Variants in GPR6 observed in about 807,000 individuals in gnomAD.
The protein encoded by GPR6 is sphingosine 1-phosphate receptor GPR6.
In GPR6, 14 loss-of-function variants were observed where a neutral mutation model predicts 18.5. That is an observed-to-expected ratio of 0.76 (90% CI 0.50 to 1.18). GPR6 has a LOEUF of 1.18. Ranked by LOEUF, GPR6 falls within the 50% of genes most tolerant of loss-of-function variation. The pLI is 0.00. For synonymous variants in GPR6, 299 were observed against 240.9 expected (o/e 1.24, Z -2.23); for missense variants, 477 against 495.9 (o/e 0.96, Z 0.36).
chr6:109,978,975 G>A (rs373234386), intron 1 of GPR6, 120 bp from the exon 2 acceptor site: 7 of 1,534,444 alleles, frequency 4.6e-6, no homozygotes, highest in Middle Eastern at 3.5e-4. Flanking sequence ...GATTTGCTCT[G>A]GGGTCCCAGG....
rs1233580599 is a variant in GPR6 at position 109,979,253 on chromosome 6, C to A, written c.141C>A (p.Gly47=). 2 of 1,611,136 alleles carry A rather than the reference C, an allele frequency of 1.2e-6. No individual in the cohort carries two copies. The highest frequency in any genetic ancestry group is 1.7e-5 in the Admixed American group (1 of 59,742). ...GPPAAAALGA[G]GGANGSLELS... is the part of the protein sequence containing the mutation. ...CTGCTGCGGCGGCTCTAGGAGCCGG[C>A]GGCGGAGCTAATGGGTCTCTGGAGC... Residue 47 remains glycine, a synonymous_variant, in exon 2 of 2, where the codon GGC becomes GGA. Transcript: ENST00000275169.
rs375656691 is a variant in GPR6, at chr6:109,979,548, G to A, written c.436G>A (p.Gly146Ser). ...PSETVSLLTVGFLVASFAASV... is the reference protein window; with the variant it reads ...PSETVSLLTVSFLVASFAASV... ...GGAGACTGTGAGTCTGCTCACGGTG[G>A]GCTTCCTCGTGGCCTCCTTCGCCGC... Residue 146 changes from glycine (G) to serine (S), a missense_variant, in exon 2 of 2, where the codon GGC (glycine) becomes AGC (serine). Coordinates refer to ENST00000275169, the MANE Select transcript of GPR6 (RefSeq NM_005284.5). 35 of 1,612,774 alleles carry A rather than the reference G, an allele frequency of 2.2e-5. No homozygotes were observed. Among genetic ancestry groups the A allele is most frequent in the Non-Finnish European group, 3.0e-5 (35 of 1,180,018 alleles).
rs778311758 is a variant in GPR6 at position 109,979,199 on chromosome 6, G to A, written c.87G>A (p.Gly29=). Residue 29 remains glycine (G), a synonymous_variant, in exon 2 of 2, where the codon GGG becomes GGA. Transcript: ENST00000275169. Reference sequence around the variant, plus strand: ...CGGCGGCGGCGGCCACAGCAGCAGGGGGGCCGGACACGGGCGAATGGGGAC... The same window carrying A: ...CGGCGGCGGCGGCCACAGCAGCAGGAGGGCCGGACACGGGCGAATGGGGAC... The part of the protein sequence containing the change: ...EGAAAAATAA[G]GPDTGEWGPP... 2.5e-6 allele frequency: 4 copies of A among 1,598,140 alleles called. No homozygotes were observed. In the East Asian group the frequency reaches 6.7e-5, roughly 27 times the overall value.
In GPR6 at chr6:109,980,035, C is replaced by T. The variant is rs575728346; in HGVS notation, c.923C>T (p.Ala308Val). ...YCVVGSHEDP[A>V]VYTYATLLPA... ...GTGGTGGGCAGCCATGAGGACCCGG[C>T]GGTCTACACTTACGCCACCCTGCTG... The change falls in exon 2 of 2, where the codon GCG (alanine) becomes GTG (valine). Residue 308 changes from alanine (A) to valine (V), a missense_variant. By Grantham distance (64) the Ala-to-Val change is moderately conservative. Transcript: ENST00000275169. 1.9e-6 allele frequency: 3 copies of T among 1,613,692 alleles called. No homozygotes were observed. The highest frequency in any genetic ancestry group is 1.6e-4 in the Middle Eastern group (1 of 6,062).
rs1038066214 is a variant in GPR6 at position 109,978,868 on chromosome 6, G to A, written c.-18-227G>A. ...TGTGCATGTGAGTGCATGTTGTCCT[G>A]GTGTATATCTGCAAAAACTCAGAAG... On this transcript the variant is annotated intron_variant, in intron 1 of 1. Transcript: ENST00000275169. The A allele has an allele frequency of 5.2e-6, 8 of 1,534,128 alleles. No homozygotes were observed. In the Admixed American group the frequency reaches 1.6e-4, roughly 30 times the overall value.
At chr6:109,979,040 A>C (rs769243850) in intron 1 of GPR6, 55 bp from the exon 2 acceptor site, 2 of 1,536,412 alleles carry the variant, frequency 1.3e-6, no homozygotes, top group Non-Finnish European at 1.7e-6. Context: ...CGCGTGGGGA[A>C]GTTTCCTGGC....
At position 109,979,453 on chromosome 6, in the gene GPR6, T is replaced by C. The variant is rs1771029806; in HGVS notation, c.341T>C (p.Leu114Pro). 1.2e-6 allele frequency: 2 copies of C among 1,613,306 alleles called. No individual in the cohort carries two copies. The highest frequency in any genetic ancestry group is 1.7e-6 in the Non-Finnish European group (2 of 1,179,988). Residue 114 changes from leucine to proline, a missense_variant, in exon 2 of 2, where the codon CTG becomes CCG. Transcript: ENST00000275169. ...CCCATGTTCGTGCTGGTAGGCAGCC[T>C]GGCCACCGCTGACCTGTTGGCGGGC... The part of the protein sequence containing the change: ...RTPMFVLVGS[L>P]ATADLLAGCG...
Position 109,979,724 on chromosome 6 carries a change from G to C in GPR6, c.612G>C (p.Val204=). 1 of 1,605,822 alleles carries C rather than the reference G, an allele frequency of 6.2e-7. No individual in the cohort carries two copies. The highest frequency in any genetic ancestry group is 8.5e-7 in the Non-Finnish European group (1 of 1,179,474). ...CCCTAGGCCTGGGGCTGCTGCCCGTGCTGGGCTGGAACTGCCTGGCAGAGC... is the reference window on the plus strand; with the variant it reads ...CCCTAGGCCTGGGGCTGCTGCCCGTCCTGGGCTGGAACTGCCTGGCAGAGC... ...TVSLGLGLLP[V]LGWNCLAERA... Residue 204 remains valine, a synonymous_variant, in exon 2 of 2, where the codon GTG becomes GTC. Coordinates refer to ENST00000275169, the MANE Select transcript of GPR6 (RefSeq NM_005284.5).
rs1406572375 is a variant in GPR6 at position 109,979,634 on chromosome 6, C to T, written c.522C>T (p.Leu174=). The stretch of plus-strand genomic sequence containing the variant: ...GCTACCTGTCCCTGTATAACGCGCT[C>T]ACCTATTACTCGCGCCGGACCCTGT... ...VDRYLSLYNA[L]TYYSRRTLLG... is the part of the protein sequence containing the mutation. Residue 174 remains leucine, a synonymous_variant, in exon 2 of 2, where the codon CTC becomes CTT. Coordinates refer to ENST00000275169, the MANE Select transcript of GPR6 (RefSeq NM_005284.5). 6.2e-7 allele frequency: 1 copy of T among 1,612,658 alleles called. No homozygotes were observed. The highest frequency in any genetic ancestry group is 1.3e-5 in the African/African-American group (1 of 75,076).
Position 109,980,198 on chromosome 6 carries a change from C to A in GPR6, c.1086C>A (p.Val362=), listed in dbSNP as rs764086611. Residue 362 remains valine, a synonymous_variant, in exon 2 of 2, where the codon GTC becomes GTA. Coordinates refer to ENST00000275169, the MANE Select transcript of GPR6 (RefSeq NM_005284.5). ...TTCGTTCCAGGTCTCCCAGCGAGGT[C>A]TGAAGGGCTCGCCCCGTGTCCTCTC... ...VPFRSRSPSE[V] 1.9e-6 allele frequency: 3 copies of A among 1,614,096 alleles called. No homozygotes were observed. In the African/African-American group the frequency reaches 4.0e-5, roughly 22 times the overall value.
intron 1 of GPR6, chr6:109,978,856 G>C (rs1324567721): frequency 2.0e-6 from 3 of 1,535,404 alleles, no homozygotes; most frequent in Non-Finnish European, 2.6e-6. Flanking sequence ...GCATGTGAGT[G>C]CATGTTGTCC....
At position 109,979,130 on chromosome 6, in the gene GPR6, C is replaced by T; in HGVS notation, c.18C>T (p.Ala6=). The T allele has an allele frequency of 6.3e-7, 1 of 1,589,760 alleles. No homozygotes were observed. Among genetic ancestry groups the T allele is most frequent in the South Asian group, 1.1e-5 (1 of 88,774 alleles). Residue 6 remains alanine (A), a synonymous_variant, in exon 2 of 2, where the codon GCC becomes GCT. Transcript: ENST00000275169. The part of the protein sequence containing the change: MNASA[A]SLNDSQVVVV... ...CGGCCGCGATGAACGCGAGCGCCGCCTCGCTCAACGACTCCCAGGTGGTGG... is the reference window on the plus strand; with the variant it reads ...CGGCCGCGATGAACGCGAGCGCCGCTTCGCTCAACGACTCCCAGGTGGTGG...
chr6:109,978,714 C>CT, intron 1 of GPR6: 1 of 1,532,108 alleles, frequency 6.5e-7, no homozygotes, highest in South Asian at 1.2e-5. Flanking sequence ...AGCGTCTCTG[C>CT]TGCCCAGCCC....
rs931834591 is a variant in GPR6, at chr6:109,979,830, A to C, written c.718A>C (p.Ile240Leu). 3.1e-6 allele frequency: 5 copies of C among 1,606,376 alleles called. No homozygotes were observed. Among genetic ancestry groups the C allele is most frequent in the Non-Finnish European group, 4.2e-6 (5 of 1,179,488 alleles). Residue 240 changes from isoleucine to leucine, a missense_variant, in exon 2 of 2, where the codon ATC (isoleucine) becomes CTC (leucine). Coordinates refer to ENST00000275169, the MANE Select transcript of GPR6 (RefSeq NM_005284.5). Reference sequence around the variant, plus strand: ...CGCCGCCTTCTTCATGGTCTTCGGCATCATGCTGCACCTGTACGTGCGCAT... The same window carrying C: ...CGCCGCCTTCTTCATGGTCTTCGGCCTCATGCTGCACCTGTACGTGCGCAT... ...LSAAFFMVFG[I>L]MLHLYVRICQ...
In GPR6 at chr6:109,979,129, C is replaced by CCT; in HGVS notation, c.19_20dup (p.Leu8ArgfsTer9). 1.9e-6 allele frequency: 3 copies of CCT among 1,589,348 alleles called. No homozygotes were observed. The highest frequency in any genetic ancestry group is 2.6e-6 in the Non-Finnish European group (3 of 1,175,114). ...CCGGCCGCGATGAACGCGAGCGCCG[C>CCT]CTCGCTCAACGACTCCCAGGTGGTG... On this transcript the variant is annotated frameshift_variant, in exon 2 of 2. Transcript: ENST00000275169. LOFTEE classifies it high-confidence loss of function.
At chr6:109,979,059 G>T (rs532018050) in intron 1 of GPR6, 36 bp from the exon 2 acceptor site, 78 of 1,540,952 alleles carry the variant, frequency 5.1e-5, no homozygotes, top group African/African-American at 4.0e-4. Context: ...GCAGCCTGAA[G>T]TGTACACCTG....
chr6:109,978,593 C>G lies in GPR6; in HGVS notation c.-19+126C>G, dbSNP rs189778432. On this transcript the variant is annotated intron_variant, in intron 1 of 1. Coordinates refer to ENST00000275169, the MANE Select transcript of GPR6 (RefSeq NM_005284.5). ...ACCTTGACTCCCACCCTCTGCTGCC[C>G]CCATACACACACCCTAGTCTCTCCT... is the stretch of plus-strand genomic sequence containing the variant. 197 of 645,194 alleles carry G rather than the reference C, an allele frequency of 3.1e-4. No homozygotes were observed. In the African/African-American group the frequency reaches 3.4e-3, roughly 11 times the overall value. 40.0% of individuals were successfully genotyped at this position (645,194 alleles called of 1,614,324 possible). A position where few individuals can be genotyped will look rare whatever the true frequency, so the allele number is the denominator to read the frequency against.
At position 109,980,063 on chromosome 6, in the gene GPR6, C is replaced by T. The variant is rs906112595; in HGVS notation, c.951C>T (p.Pro317=). The T allele has an allele frequency of 1.9e-6, 3 of 1,614,036 alleles. No individual in the cohort carries two copies. Among genetic ancestry groups the T allele is most frequent in the African/African-American group, 2.7e-5 (2 of 74,932 alleles). The part of the protein sequence containing the change: ...PAVYTYATLL[P]ATYNSMINPI... ...TCTACACTTACGCCACCCTGCTGCC[C>T]GCCACCTACAACTCCATGATCAATC... Residue 317 remains proline (P), a synonymous_variant, in exon 2 of 2, where the codon CCC becomes CCT. Transcript: ENST00000275169.
rs766061640 is a variant in GPR6, at chr6:109,979,930, C to T, written c.818C>T (p.Ala273Val). The change falls in exon 2 of 2, where the codon GCC becomes GTC. Residue 273 changes from alanine to valine, a missense_variant. By Grantham distance (64) the Ala-to-Val change is moderately conservative (BLOSUM62 0). Coordinates refer to ENST00000275169, the MANE Select transcript of GPR6 (RefSeq NM_005284.5). ...QHCLAPPHLAATRKGVGTLAV... is the reference protein window; with the variant it reads ...QHCLAPPHLAVTRKGVGTLAV... ...TGCCTGGCGCCACCCCATCTCGCTG[C>T]CACCAGAAAGGGTGTGGGTACACTG... 1.1e-5 allele frequency: 18 copies of T among 1,612,678 alleles called. No homozygotes were observed. The East Asian group carries it at 3.1e-4, about 28-fold the overall frequency.
Sources: allele counts gnomAD v4.1 joint callset, GRCh38; gene constraint gnomAD v4.1.1; transcripts MANE v1.5; gene names NCBI Gene and HGNC (gene_info 2026-07-23, HGNC 2026-07-21).